KCNIP4: variants seen among roughly 807,000 people sequenced by gnomAD.
KCNIP4 encodes the protein Kv channel-interacting protein 4.
KCNIP4 carries 12 observed loss-of-function variants against 34.0 expected under a neutral mutation model. That is an observed-to-expected ratio of 0.35 (90% CI 0.23 to 0.57). KCNIP4 has a LOEUF of 0.57. KCNIP4 is among the 20% of genes least tolerant of loss of function. The pLI is 0.83. For missense variants in KCNIP4, 238 were observed against 311.7 expected (o/e 0.76, Z 1.78); for synonymous variants, 124 against 102.2 (o/e 1.21, Z -1.29).
chr4:20,853,262 A>T (rs1453597029), intron 2 of KCNIP4, among the ~76,000 whole-genome samples: 1 of 152,232 alleles, frequency 6.6e-6, no homozygotes, highest in African/African-American at 2.4e-5. Context: ...CATAGTCACC[A>T]AAACAGCGTG....
At position 21,402,946 on chromosome 4, in the gene KCNIP4, G is replaced by GT. The variant is rs1365690160; in HGVS notation, c.62-520238dup. Among the ~76,000 whole-genome samples, 188 of 152,220 alleles carry GT rather than the reference G, an allele frequency of 1.2e-3. 2 individuals are homozygous for GT. Among genetic ancestry groups the GT allele is most frequent in the Admixed American group, 2.0e-3 (30 of 15,296 alleles). On this transcript the variant is annotated intron_variant, in intron 1 of 8. Transcript: ENST00000382152. ...GATGTCCTATGTTCTTTATAATTAA[G>GT]TTCTTTTGCTCTGGCATCCCTTCTT...
At chr4:21,654,187 A>G (rs1032797247) in intron 1 of KCNIP4, among the ~76,000 whole-genome samples, 1 of 152,232 alleles carries the variant, frequency 6.6e-6, no homozygotes, top group African/African-American at 2.4e-5. Context: ...ACAGTTAAGT[A>G]TACAGAATGA....
At chr4:20,759,120 G>T (rs1202558486) in intron 3 of KCNIP4, among the ~76,000 whole-genome samples, 1 of 152,096 alleles carries the variant, frequency 6.6e-6, no homozygotes, top group African/African-American at 2.4e-5. Flanking sequence ...TATCAAAGTA[G>T]GTGTAATGTA....
At chr4:20,916,558 T>C (rs1728831936) in intron 1 of KCNIP4, among the ~76,000 whole-genome samples, 1 of 152,144 alleles carries the variant, frequency 6.6e-6, no homozygotes, top group African/African-American at 2.4e-5. Flanking sequence ...GAAGTTCATT[T>C]TAATTGGTAG....
At chr4:21,513,844 A>G (rs1734538754) in intron 1 of KCNIP4, among the ~76,000 whole-genome samples, 1 of 152,212 alleles carries the variant, frequency 6.6e-6, no homozygotes, top group Non-Finnish European at 1.5e-5. Flanking sequence ...TACAAAACAT[A>G]TTTAGTCCAC....
rs115251863 is a variant in KCNIP4, at chr4:20,957,557, T to A, written c.62-74848A>T. Among the ~76,000 whole-genome samples, 1,180 of 148,892 alleles carry A rather than the reference T, an allele frequency of 7.9e-3. 17 individuals carry two copies. The highest frequency in any genetic ancestry group is 0.027 in the African/African-American group (1,098 of 40,278). ...TCCAGGTTTGCTTGGCTTCAAAGCC[T>A]ATGTCCTGCTGCTAATCTGTAGCCT... On this transcript the variant is annotated intron_variant, in intron 1 of 8. Transcript: ENST00000382152.
chr4:21,608,962 C>T (rs1743936039), intron 1 of KCNIP4: 6 of 152,196 alleles, frequency 3.9e-5, no homozygotes, highest in Non-Finnish European at 7.3e-5. Flanking sequence ...GGTGCTTCCT[C>T]ACAGCCAAAA....
At chr4:21,447,288 T>C (rs1728114332) in intron 1 of KCNIP4, among the ~76,000 whole-genome samples, 1 of 152,004 alleles carries the variant, frequency 6.6e-6, no homozygotes, top group African/African-American at 2.4e-5. Flanking sequence ...CCACAAGAAA[T>C]GCCAGCAGCC....
At chr4:21,023,399 G>A (rs1305448977) in intron 1 of KCNIP4, among the ~76,000 whole-genome samples, 2 of 151,642 alleles carry the variant, frequency 1.3e-5, no homozygotes, top group African/African-American at 4.8e-5. Context: ...CACAAAATGG[G>A]GAAAAATTTT....
At chr4:21,380,689 C>T (rs536062994) in intron 1 of KCNIP4, among the ~76,000 whole-genome samples, 1 of 152,138 alleles carries the variant, frequency 6.6e-6, no homozygotes, top group South Asian at 2.1e-4. Flanking sequence ...AATCTGAAGC[C>T]ATAATCATAT....
chr4:20,997,420 T>A (rs1416563946), intron 1 of KCNIP4, among the ~76,000 whole-genome samples: 1 of 152,124 alleles, frequency 6.6e-6, no homozygotes, highest in Non-Finnish European at 1.5e-5. Context: ...ACAGGAGGTA[T>A]CAAAGGTGAT....
intron 1 of KCNIP4, among the ~76,000 whole-genome samples, chr4:21,553,094 A>G (rs1738709312): frequency 6.6e-6 from 1 of 151,368 alleles, no homozygotes; most frequent in Non-Finnish European, 1.5e-5. Flanking sequence ...GGGCCAGGCA[A>G]TGCAGACTAG....
intron 1 of KCNIP4, among the ~76,000 whole-genome samples, chr4:21,698,197 AAAC>A (rs905864331): frequency 6.6e-6 from 1 of 152,214 alleles, no homozygotes; most frequent in Non-Finnish European, 1.5e-5. Flanking sequence ...TAGAGGGAGA[AAAC>A]AAGCTGTTTC....
chr4:21,909,702 TA>T (rs956748866), intron 1 of KCNIP4, among the ~76,000 whole-genome samples: 3 of 152,062 alleles, frequency 2.0e-5, no homozygotes, highest in Non-Finnish European at 2.9e-5. Context: ...TGATACTGGG[TA>T]ACTTATAAAG....
chr4:21,386,154 G>T lies in KCNIP4; in HGVS notation c.62-503445C>A, dbSNP rs139383626. On this transcript the variant is annotated intron_variant, in intron 1 of 8. Transcript: ENST00000382152. Reference sequence around the variant, plus strand: ...AGAACCTTGTGGTTTGTATGCAATTGCATTTTTCATTATGTTCTTGTATCC... The same window carrying T: ...AGAACCTTGTGGTTTGTATGCAATTTCATTTTTCATTATGTTCTTGTATCC... 9.0e-4 allele frequency among the ~76,000 whole-genome samples: 137 copies of T among 152,220 alleles called. 1 individual carries two copies. Among genetic ancestry groups the T allele is most frequent in the African/African-American group, 3.3e-3 (136 of 41,554 alleles).
intron 1 of KCNIP4, among the ~76,000 whole-genome samples, chr4:21,840,583 C>T (rs1723617023): frequency 1.3e-5 from 2 of 152,124 alleles, no homozygotes; most frequent in Non-Finnish European, 2.9e-5. Flanking sequence ...CCCAATTTTG[C>T]TTTGAGAAGC....
chr4:21,498,436 TTAAAA>T (rs1733029003), intron 1 of KCNIP4, among the ~76,000 whole-genome samples: 2 of 152,190 alleles, frequency 1.3e-5, no homozygotes, highest in Non-Finnish European at 2.9e-5. Flanking sequence ...TGTTTTACTA[TTAAAA>T]CTTTTAAAAA....
chr4:21,016,105 A>G (rs1262048587), intron 1 of KCNIP4, among the ~76,000 whole-genome samples: 1 of 150,300 alleles, frequency 6.7e-6, no homozygotes, highest in Non-Finnish European at 1.5e-5. Context: ...CTCTATCGTC[A>G]CCTATGTAAT....
chr4:21,546,313 G>A (rs1738148860), intron 1 of KCNIP4, among the ~76,000 whole-genome samples: 1 of 151,988 alleles, frequency 6.6e-6, no homozygotes. Flanking sequence ...CTTTCTATCA[G>A]GATTACAAGA....
Sources: gnomAD v4.1 joint callset for allele counts (sites outside exome capture counted in the v4.1 genomes callset) on GRCh38, gnomAD v4.1.1 for gene constraint, MANE v1.5 for transcripts, NCBI Gene and HGNC (gene_info 2026-07-23, HGNC 2026-07-21) for gene names.